The following GAB2 variants were observed in gnomAD, a reference collection of about 807,000 sequenced individuals.
GAB2 encodes GRB2-associated-binding protein 2.
GAB2 carries 26 observed loss-of-function variants against 65.5 expected under a neutral mutation model. That is an observed-to-expected ratio of 0.40 (90% CI 0.29 to 0.55). The LOEUF is 0.55. Ranked by LOEUF, GAB2 falls within the 20% of genes least tolerant of loss-of-function variation. The pLI is 0.53. For missense variants in GAB2, 884 were observed against 875.8 expected, an observed-to-expected ratio of 1.01 and a Z score of -0.12; for synonymous variants, 321 against 329.6, an observed-to-expected ratio of 0.97 and a Z score of 0.28.
intron 3 of GAB2, among the ~76,000 whole-genome samples, chr11:78,248,930 C>T (rs1865371135): frequency 6.6e-6 from 1 of 152,228 alleles, no homozygotes; most frequent in Non-Finnish European, 1.5e-5. Flanking sequence ...GGCTAACTCA[C>T]TCTATCTTTT....
At chr11:78,396,619 T>C (rs1436203870) in intron 1 of GAB2, among the ~76,000 whole-genome samples, 1 of 152,244 alleles carries the variant, frequency 6.6e-6, no homozygotes, top group African/African-American at 2.4e-5. Flanking sequence ...CTTTTTTCTT[T>C]TTTTTGAGGC....
At chr11:78,364,846 T>C (rs967338915) in intron 1 of GAB2, among the ~76,000 whole-genome samples, 15 of 152,162 alleles carry the variant, frequency 9.9e-5, no homozygotes, top group African/African-American at 3.4e-4. Context: ...CAGAGTGAGA[T>C]TTGGACATAT....
intron 2 of GAB2, among the ~76,000 whole-genome samples, chr11:78,260,030 C>T (rs971392925): frequency 6.6e-6 from 1 of 152,186 alleles, no homozygotes; most frequent in Non-Finnish European, 1.5e-5. Flanking sequence ...GGTAAGTAAA[C>T]ATTTGTGGAT....
At chr11:78,346,352 G>C (rs560953392) in intron 1 of GAB2, among the ~76,000 whole-genome samples, 2 of 151,996 alleles carry the variant, frequency 1.3e-5, no homozygotes, top group Non-Finnish European at 2.9e-5. Flanking sequence ...TTCAGAAAGA[G>C]ATCTAATAAA....
intron 1 of GAB2, among the ~76,000 whole-genome samples, chr11:78,352,218 A>G (rs1253317780): frequency 6.6e-6 from 1 of 152,204 alleles, no homozygotes; most frequent in Non-Finnish European, 1.5e-5. Flanking sequence ...CGTCTCAAAC[A>G]AACAAACAAA....
chr11:78,247,348 A>C (rs780165598), intron 3 of GAB2, among the ~76,000 whole-genome samples: 9 of 152,156 alleles, frequency 5.9e-5, no homozygotes, highest in Admixed American at 4.6e-4. Context: ...GGAACTACCC[A>C]ATTCTTTTTC....
intron 2 of GAB2, among the ~76,000 whole-genome samples, chr11:78,253,004 CTTTTTTTTTTT>C (rs984989129): frequency 9.4e-6 from 1 of 106,948 alleles, no homozygotes; most frequent in Non-Finnish European, 1.7e-5. Flanking sequence ...AATATCTTTC[CTTTTTTTTTTT>C]TTTTTTTTTT....
At chr11:78,314,250 AG>A (rs1855556733) in intron 1 of GAB2, among the ~76,000 whole-genome samples, 1 of 152,242 alleles carries the variant, frequency 6.6e-6, no homozygotes, top group Admixed American at 6.5e-5. Flanking sequence ...TCTTTTCCAA[AG>A]TAATACACTG....
At chr11:78,404,032 T>C (rs1175477873) in intron 1 of GAB2, among the ~76,000 whole-genome samples, 2 of 152,078 alleles carry the variant, frequency 1.3e-5, no homozygotes, top group Non-Finnish European at 2.9e-5. Context: ...ACAGCCCCCA[T>C]AGAGAACAGT....
chr11:78,349,987 T>A (rs1856251194), intron 1 of GAB2, among the ~76,000 whole-genome samples: 2 of 152,138 alleles, frequency 1.3e-5, no homozygotes, highest in South Asian at 4.1e-4. Flanking sequence ...TGCTTCTTTT[T>A]AAAGGTAAAA....
At chr11:78,260,269 C>T (rs943714235) in intron 2 of GAB2, among the ~76,000 whole-genome samples, 2 of 152,158 alleles carry the variant, frequency 1.3e-5, no homozygotes, top group Non-Finnish European at 2.9e-5. Context: ...ACATCCTGAC[C>T]TTGATGCATA....
In GAB2 at chr11:78,280,834, T is replaced by C. The variant is rs779373428; in HGVS notation, c.143A>G (p.Tyr48Cys). The change falls in exon 2 of 10, where the codon TAC becomes TGC. Residue 48 changes from tyrosine to cysteine, a missense_variant. Transcript: ENST00000361507. The stretch of plus-strand genomic sequence containing the variant: ...CTTCTTGGAGTGATCGTTCTTGTAG[T>C]ATTCCAGAACATCTGGGTCACCGCT... ...RMSGDPDVLE[Y>C]YKNDHSKKPL... is the part of the protein sequence containing the mutation. 6.2e-7 allele frequency: 1 copy of C among 1,613,886 alleles called. No homozygotes were observed. The highest frequency in any genetic ancestry group is 8.5e-7 in the Non-Finnish European group (1 of 1,179,748).
chr11:78,395,737 A>C (rs958412422), intron 1 of GAB2, among the ~76,000 whole-genome samples: 1 of 152,342 alleles, frequency 6.6e-6, no homozygotes, highest in Non-Finnish European at 1.5e-5. Context: ...TTCAATTAAC[A>C]GGCTAAGGTT....
At chr11:78,319,418 G>T (rs1855679568) in intron 1 of GAB2, among the ~76,000 whole-genome samples, 1 of 152,118 alleles carries the variant, frequency 6.6e-6, no homozygotes, top group African/African-American at 2.4e-5. Context: ...TAATTCAAAG[G>T]AAAGAAAAAG....
At chr11:78,405,095 T>A (rs1021845931) in intron 1 of GAB2, among the ~76,000 whole-genome samples, 1 of 133,280 alleles carries the variant, frequency 7.5e-6, no homozygotes, top group African/African-American at 3.2e-5. Flanking sequence ...ACATGGATTT[T>A]TTTTTTTTTT....
chr11:78,245,945 T>C (rs1445546284), intron 3 of GAB2, among the ~76,000 whole-genome samples: 2 of 146,010 alleles, frequency 1.4e-5, no homozygotes, highest in African/African-American at 2.4e-5. Context: ...TTATTTTCTT[T>C]TTTTCTTTTT....
chr11:78,313,185 C>T (rs746603244), intron 1 of GAB2, among the ~76,000 whole-genome samples: 6 of 152,088 alleles, frequency 3.9e-5, no homozygotes, highest in Admixed American at 6.5e-5. Flanking sequence ...TTTGGGATCA[C>T]TCTAAAGCTT....
chr11:78,347,798 A>G (rs966725970), intron 1 of GAB2, among the ~76,000 whole-genome samples: 7 of 152,188 alleles, frequency 4.6e-5, no homozygotes, highest in Non-Finnish European at 2.9e-5. Context: ...TCCTCAAATG[A>G]TACAATTAAG....
intron 1 of GAB2, among the ~76,000 whole-genome samples, chr11:78,415,361 G>T (rs549122507): frequency 6.6e-6 from 1 of 152,194 alleles, no homozygotes; most frequent in South Asian, 2.1e-4. Context: ...ATGGGGCTGG[G>T]AAATACTTTC....
Sources: allele counts gnomAD v4.1 joint callset (sites outside exome capture counted in the v4.1 genomes callset), GRCh38; gene constraint gnomAD v4.1.1; transcripts MANE v1.5; gene names NCBI Gene and HGNC (gene_info 2026-07-23, HGNC 2026-07-21).